Variants in CLCN3 observed in about 807,000 individuals in gnomAD.
The protein encoded by CLCN3 is H(+)/Cl(-) exchange transporter 3.
A neutral mutation model predicts 83.4 loss-of-function variants in CLCN3; 16 were observed. The observed-to-expected ratio is 0.19, with a 90% CI of 0.13 to 0.29. The LOEUF (loss-of-function observed/expected upper bound fraction) is 0.29, where lower values mean the gene tolerates loss of function less well. Among genes scored for constraint, CLCN3 ranks in the 10% least tolerant of loss-of-function variants. The pLI is 1.00. For synonymous variants in CLCN3, 322 were observed against 346.2 expected (o/e 0.93, Z 0.78); for missense variants, 544 against 1,006.0 (o/e 0.54, Z 6.21).
intron 1 of CLCN3, among the ~76,000 whole-genome samples, chr4:169,628,362 TGAAAA>T (rs1251488458): frequency 1.3e-5 from 2 of 152,064 alleles, no homozygotes; most frequent in African/African-American, 4.8e-5. Flanking sequence ...GTTAAAAAGA[TGAAAA>T]GATAAACTAG....
intron 2 of CLCN3, among the ~76,000 whole-genome samples, chr4:169,657,695 G>C (rs1730927055): frequency 6.6e-6 from 1 of 152,094 alleles, no homozygotes; most frequent in Non-Finnish European, 1.5e-5. Context: ...TGGAGGGTGC[G>C]TTCGAAAGTA....
In CLCN3 at chr4:169,632,716, CAAAAAAA is replaced by C. The variant is rs559919032; in HGVS notation, c.-16-3177_-16-3171del. The stretch of plus-strand genomic sequence containing the variant: ...TGGGTGACAGAGCGAGACTCCATCT[CAAAAAAA>C]AAAAAAAAAAAAAAAAAAAGTGCTG... On this transcript the variant is annotated intron_variant, in intron 1 of 12. Coordinates refer to ENST00000513761, the MANE Select transcript of CLCN3 (RefSeq NM_001829.4). 7.7e-4 allele frequency among the ~76,000 whole-genome samples: 25 copies of C among 32,298 alleles called. No homozygotes were observed. The South Asian group carries it at 9.6e-3, about 12-fold the overall frequency. 21.2% of individuals were successfully genotyped at this position (32,298 alleles called of 152,430 possible).
intron 3 of CLCN3, among the ~76,000 whole-genome samples, chr4:169,680,997 C>T (rs547529286): frequency 5.3e-5 from 8 of 152,094 alleles, no homozygotes; most frequent in African/African-American, 1.7e-4. Flanking sequence ...TACAAACGTA[C>T]GCCACCATGC....
intron 12 of CLCN3, among the ~76,000 whole-genome samples, chr4:169,719,396 G>A (rs530078170): frequency 7.9e-5 from 12 of 152,282 alleles, no homozygotes; most frequent in African/African-American, 2.6e-4. Flanking sequence ...CCCAGGAGGC[G>A]GAGGTTGCAG....
chr4:169,697,955 C>G (rs1732631306), intron 9 of CLCN3, among the ~76,000 whole-genome samples: 1 of 152,170 alleles, frequency 6.6e-6, no homozygotes, highest in Non-Finnish European at 1.5e-5. Flanking sequence ...CTTAAGGTAA[C>G]TACTTATTTT....
chr4:169,660,158 C>G (rs889284622), intron 2 of CLCN3: 6 of 1,128,346 alleles, frequency 5.3e-6, no homozygotes, highest in Admixed American at 9.9e-5. Flanking sequence ...AGATTGTAGC[C>G]ACTAGCAACC....
chr4:169,680,475 A>G, intron 3 of CLCN3: 1 of 303,634 alleles, frequency 3.3e-6, no homozygotes, highest in Non-Finnish European at 6.0e-6. Flanking sequence ...AGGGAAAAAT[A>G]CAGCACAGGA....
At chr4:169,630,796 T>G (rs1456278190) in intron 1 of CLCN3, among the ~76,000 whole-genome samples, 6 of 152,238 alleles carry the variant, frequency 3.9e-5, no homozygotes, top group Non-Finnish European at 8.8e-5. Flanking sequence ...CCCAAAGTGC[T>G]GGGATTACAG....
At position 169,697,398 on chromosome 4, in the gene CLCN3, G is replaced by A. The variant is rs267600078; in HGVS notation, c.1227G>A (p.Arg409=). 1 of 1,613,858 alleles carries A rather than the reference G, an allele frequency of 6.2e-7. No individual in the cohort carries two copies. Among genetic ancestry groups the A allele is most frequent in the Non-Finnish European group, 8.5e-7 (1 of 1,179,980 alleles). ...FGGLWGAFFI[R]ANIAWCRRRK... ...GGCTTTGGGGAGCCTTTTTCATTAG[G>A]GCAAATATTGCCTGGTGTCGTCGAC... Residue 409 remains arginine, a synonymous_variant, in exon 9 of 13, where the codon AGG becomes AGA. Coordinates refer to ENST00000513761, the MANE Select transcript of CLCN3 (RefSeq NM_001829.4).
intron 2 of CLCN3, among the ~76,000 whole-genome samples, chr4:169,665,401 A>G (rs1430752240): frequency 6.6e-6 from 1 of 152,194 alleles, no homozygotes. Context: ...TTAATAGCGT[A>G]TGCTTCTTTT....
At chr4:169,636,736 T>TTG (rs1553965337) in intron 2 of CLCN3, among the ~76,000 whole-genome samples, 1,877 of 24,714 alleles carry the variant, frequency 0.076, 36 homozygotes, top group Non-Finnish European at 0.085. Flanking sequence ...CATTATTTGG[T>TTG]TTTTTTTTTT....
intron 1 of CLCN3, among the ~76,000 whole-genome samples, chr4:169,622,761 A>G (rs1348207411): frequency 2.0e-5 from 3 of 152,170 alleles, no homozygotes; most frequent in Admixed American, 2.0e-4. Flanking sequence ...GCCTGGGAGT[A>G]TGATTTCAGA....
intron 2 of CLCN3, among the ~76,000 whole-genome samples, chr4:169,648,881 G>A (rs555651020): frequency 3.9e-5 from 6 of 152,218 alleles, no homozygotes; most frequent in African/African-American, 1.4e-4. Context: ...ACAAAAGTTA[G>A]CCAGGTGTGG....
At chr4:169,717,953 C>T in intron 12 of CLCN3, 1 of 813,714 alleles carries the variant, frequency 1.2e-6, no homozygotes, top group African/African-American at 1.7e-5. Flanking sequence ...CTGTCTTTCC[C>T]AGATATCTGC....
At position 169,652,572 on chromosome 4, in the gene CLCN3, G is replaced by A. The variant is rs78109078; in HGVS notation, c.160+16484G>A. On this transcript the variant is annotated intron_variant, in intron 2 of 12. Transcript: ENST00000513761. ...ATCTTGAAGCTCCTAACAGGTTTTG[G>A]TGGTTACTAACAATGCTACTTTGAA... Among the ~76,000 whole-genome samples, 13 of 152,230 alleles carry A rather than the reference G, an allele frequency of 8.5e-5. No individual in the cohort carries two copies. In the East Asian group the frequency reaches 1.7e-3, roughly 20 times the overall value.
chr4:169,644,359 G>C (rs1027925712), intron 2 of CLCN3, among the ~76,000 whole-genome samples: 1 of 151,130 alleles, frequency 6.6e-6, no homozygotes, highest in African/African-American at 2.4e-5. Flanking sequence ...CCGGGTTCAA[G>C]CAATTCTCGT....
At chr4:169,708,095 A>G (rs1346443307) in intron 11 of CLCN3, among the ~76,000 whole-genome samples, 1 of 152,094 alleles carries the variant, frequency 6.6e-6, no homozygotes, top group East Asian at 1.9e-4. Context: ...TTAGTGCCAG[A>G]CCCTGAATGG....
At chr4:169,636,273 A>G (rs1773500258) in intron 2 of CLCN3, among the ~76,000 whole-genome samples, 185 bp downstream of exon 2, 1 of 152,184 alleles carries the variant, frequency 6.6e-6, no homozygotes, top group African/African-American at 2.4e-5. Flanking sequence ...AGTGTTGTGC[A>G]ACTACCGTTT....
intron 12 of CLCN3, among the ~76,000 whole-genome samples, chr4:169,717,486 TAA>T (rs1459940927): frequency 6.6e-6 from 1 of 152,164 alleles, no homozygotes; most frequent in African/African-American, 2.4e-5. Context: ...GTATCAATAT[TAA>T]GTTTCTTTTG....
Sources: gnomAD v4.1 joint callset for allele counts (sites outside exome capture counted in the v4.1 genomes callset) on GRCh38, gnomAD v4.1.1 for gene constraint, MANE v1.5 for transcripts, NCBI Gene and HGNC (gene_info 2026-07-23, HGNC 2026-07-21) for gene names.